The following PCNX2 variants were observed in gnomAD, a reference collection of about 807,000 sequenced individuals.
The protein encoded by PCNX2 is pecanex 2, also known as pecanex-like protein 2.
Under a neutral mutation model 223.8 loss-of-function variants are expected in PCNX2, and 168 were observed. That is an observed-to-expected ratio of 0.75 (90% confidence interval 0.66 to 0.85). PCNX2 has a LOEUF of 0.85. Ranked by LOEUF, PCNX2 falls within the 40% of genes least tolerant of loss-of-function variation. PCNX2 has a pLI of 0.00. For synonymous variants in PCNX2, 1,006 were observed against 1,052.6 expected (o/e 0.96, Z 0.86); for missense variants, 2,507 against 2,675.5 (o/e 0.94, Z 1.39).
At chr1:233,027,346 A>C (rs988015960) in intron 25 of PCNX2, among the ~76,000 whole-genome samples, 1 of 152,158 alleles carries the variant, frequency 6.6e-6, no homozygotes, top group Non-Finnish European at 1.5e-5. Context: ...GAGACGGTGA[A>C]TGTAGGCAAC....
At chr1:233,089,980 C>T in intron 23 of PCNX2, 81 bp downstream of exon 23, 1 of 1,590,614 alleles carries the variant, frequency 6.3e-7, no homozygotes, top group East Asian at 2.2e-5. Context: ...GAGCCAGGGA[C>T]CTCCTAACAG....
chr1:233,140,016 T>G (rs1014182819), intron 19 of PCNX2, among the ~76,000 whole-genome samples, 161 bp from the exon 20 acceptor site: 2 of 150,162 alleles, frequency 1.3e-5, no homozygotes, highest in African/African-American at 4.9e-5. Flanking sequence ...AGGCAGCAAC[T>G]GTTAGCTTTG....
chr1:233,000,898 G>C lies in PCNX2; in HGVS notation c.5098-363C>G, dbSNP rs1259254734. Among the ~76,000 whole-genome samples, 1 of 152,202 alleles carries C rather than the reference G, an allele frequency of 6.6e-6. No homozygotes were observed. ...CTGCTCTTGAGGGCAAATCACCATT[G>C]GCTAAAGTCAAGACTATCTGGACGG... On this transcript the variant is annotated intron_variant, in intron 29 of 33. Coordinates refer to ENST00000258229, the MANE Select transcript of PCNX2 (RefSeq NM_014801.4). The surrounding 1 kb of genome is among the most constrained non-coding windows in gnomAD (Gnocchi z 4.6).
intron 26 of PCNX2, among the ~76,000 whole-genome samples, chr1:233,018,275 A>G (rs1670755583): frequency 6.6e-6 from 1 of 151,670 alleles, no homozygotes; most frequent in African/African-American, 2.4e-5. Flanking sequence ...CTCTTGCCTC[A>G]GCCTCCCAAA....
At chr1:233,310,315 T>A in the PCNX2 span, among the ~76,000 whole-genome samples, 1 of 152,192 alleles carries the variant, frequency 6.6e-6, no homozygotes. Flanking sequence ...TGATGTATCT[T>A]ATGGAAAACT....
chr1:233,324,624 G>T, the PCNX2 span, among the ~76,000 whole-genome samples: 1 of 130,660 alleles, frequency 7.7e-6, no homozygotes, highest in Non-Finnish European at 1.6e-5. Context: ...TTTTTGAGAC[G>T]GAGTCTTGCT....
At chr1:233,093,084 C>A (rs770975964) in intron 22 of PCNX2, among the ~76,000 whole-genome samples, 39 of 152,210 alleles carry the variant, frequency 2.6e-4, no homozygotes, top group Admixed American at 7.2e-4. Flanking sequence ...CAGGCGTGAG[C>A]CACTGTGCCC....
In PCNX2 at chr1:233,258,630, T is replaced by A. The variant is rs780716476; in HGVS notation, c.1232A>T (p.Glu411Val). The change falls in exon 5 of 34, where the codon GAG (glutamate) becomes GTG (valine). Residue 411 changes from glutamate (E) to valine (V), a missense_variant. Glu to Val is a moderately radical substitution (Grantham distance 121). Around this residue, in one of 3 missense-constraint regions of PCNX2, gnomAD observed 1,031 missense variants for 1,021.7 expected, o/e 1.01. Coordinates refer to ENST00000258229, the MANE Select transcript of PCNX2 (RefSeq NM_014801.4). ...TEKTSVKSDA[E>V]PTNPGAAGSP... The stretch of plus-strand genomic sequence containing the variant: ...ACCGGCCGCCCCTGGGTTAGTGGGC[T>A]CAGCGTCAGACTTTACACTGGTCTT... 5.6e-6 allele frequency: 9 copies of A among 1,613,856 alleles called. No individual in the cohort carries two copies. In the African/African-American group the frequency reaches 1.2e-4, roughly 22 times the overall value.
chr1:233,268,366 A>G (rs1310356867), intron 1 of PCNX2, among the ~76,000 whole-genome samples: 1 of 152,158 alleles, frequency 6.6e-6, no homozygotes, highest in Admixed American at 6.5e-5. Flanking sequence ...AGGATTAGCT[A>G]TAAGTAATGC....
chr1:233,158,213 C>T lies in PCNX2; in HGVS notation c.3517+2070G>A, dbSNP rs1034270333. 2.6e-5 allele frequency among the ~76,000 whole-genome samples: 4 copies of T among 152,204 alleles called. 1 individual carries two copies. The highest frequency in any genetic ancestry group is 6.5e-5 in the Admixed American group (1 of 15,286). The stretch of plus-strand genomic sequence containing the variant: ...AAACCGAGTTGTTAATGGCCCACTC[C>T]TATCTTTCACTGTTGAATTCTACAC... On this transcript the variant is annotated intron_variant, in intron 19 of 33. Coordinates refer to ENST00000258229, the MANE Select transcript of PCNX2 (RefSeq NM_014801.4).
intron 23 of PCNX2, among the ~76,000 whole-genome samples, chr1:233,069,139 C>T (rs148269102): frequency 0.014 from 2,082 of 152,184 alleles, 23 homozygotes; most frequent in Middle Eastern, 0.024. Flanking sequence ...TATGATAGGA[C>T]GGTTGATCCA....
intron 27 of PCNX2, among the ~76,000 whole-genome samples, 195 bp from the exon 28 acceptor site, chr1:233,014,972 TAAAAGTGG>T (rs1670599784): frequency 6.6e-6 from 1 of 151,814 alleles, no homozygotes; most frequent in African/African-American, 2.4e-5. Context: ...GAAAAAAAAA[TAAAAGTGG>T]AAAAGTTATT....
the PCNX2 span, among the ~76,000 whole-genome samples, chr1:233,321,958 G>T: frequency 6.6e-6 from 1 of 152,190 alleles, no homozygotes; most frequent in African/African-American, 2.4e-5. Flanking sequence ...GATCTCAGGG[G>T]TCTCTCAGGG....
At chr1:233,173,280 C>T (rs1205902475) in intron 17 of PCNX2, among the ~76,000 whole-genome samples, 1 of 152,120 alleles carries the variant, frequency 6.6e-6, no homozygotes, top group Admixed American at 6.5e-5. Context: ...GATTCTCCTG[C>T]CTCAGCCTCC....
chr1:233,254,029 C>T (rs1347427615), intron 5 of PCNX2, among the ~76,000 whole-genome samples: 1 of 152,230 alleles, frequency 6.6e-6, no homozygotes, highest in African/African-American at 2.4e-5. Context: ...TTTCAAGACA[C>T]ACCATTCGAA....
chr1:233,253,977 C>T lies in PCNX2; in HGVS notation c.1835-1189G>A, dbSNP rs1318543936. Among the ~76,000 whole-genome samples the T allele has an allele frequency of 6.6e-6, 1 of 152,186 alleles. No individual in the cohort carries two copies. Among genetic ancestry groups the T allele is most frequent in the Non-Finnish European group, 1.5e-5 (1 of 68,036 alleles). On this transcript the variant is annotated intron_variant, in intron 5 of 33. Transcript: ENST00000258229. The surrounding 1 kb of genome is among the most constrained non-coding windows in gnomAD (Gnocchi z 4.2). ...ATGATTGGCTCTTAAGCTCAACAGCCTGTGCCTGAGAGAACAGAATTGAGC... is the reference window on the plus strand; with the variant it reads ...ATGATTGGCTCTTAAGCTCAACAGCTTGTGCCTGAGAGAACAGAATTGAGC...
At chr1:233,025,547 C>T (rs1403157288) in intron 25 of PCNX2, 148 bp from the exon 26 acceptor site, 1 of 940,892 alleles carries the variant, frequency 1.1e-6, no homozygotes, top group Non-Finnish European at 1.5e-6. Flanking sequence ...ATAAGTCCCC[C>T]AAAGAAGTCA....
chr1:233,231,161 C>T (rs1658036543), intron 9 of PCNX2, among the ~76,000 whole-genome samples: 1 of 152,098 alleles, frequency 6.6e-6, no homozygotes, highest in Non-Finnish European at 1.5e-5. Flanking sequence ...AAAGTCTGGG[C>T]TCTTTCTACA....
chr1:233,023,911 T>C (rs1039137089), intron 26 of PCNX2, among the ~76,000 whole-genome samples: 7 of 152,194 alleles, frequency 4.6e-5, no homozygotes, highest in South Asian at 2.1e-4. Flanking sequence ...TCTGCTTCCA[T>C]GTAGCTTCAG....
Sources: gnomAD v4.1 joint callset for allele counts (sites outside exome capture counted in the v4.1 genomes callset) on GRCh38, gnomAD v4.1.1 for gene constraint, gnomAD v4.1.1 regional missense constraint, Gnocchi (gnomAD v3.1) non-coding constraint, MANE v1.5 for transcripts, NCBI Gene and HGNC (gene_info 2026-07-23, HGNC 2026-07-21) for gene names.